Variants in TCF7L2 observed in about 807,000 individuals in gnomAD.
TCF7L2 encodes the protein transcription factor 7-like 2.
Under a neutral mutation model 77.9 loss-of-function variants are expected in TCF7L2, and 23 were observed. The observed-to-expected ratio is 0.30, with a 90% confidence interval of 0.21 to 0.42. TCF7L2 has a LOEUF of 0.42. Ranked by LOEUF, TCF7L2 falls within the 10% of genes least tolerant of loss-of-function variation. The pLI is 1.00. For synonymous variants in TCF7L2, 413 were observed against 340.2 expected (o/e 1.21, Z -2.36); for missense variants, 654 against 793.1 (o/e 0.82, Z 2.11).
intron 5 of TCF7L2, among the ~76,000 whole-genome samples, chr10:113,104,014 T>C (rs139701032): frequency 2.0e-5 from 3 of 152,168 alleles, no homozygotes; most frequent in Non-Finnish European, 4.4e-5. Flanking sequence ...TGCCCTTGCA[T>C]ATAAGTTGTT....
chr10:113,019,894 T>TA (rs2048007542), intron 4 of TCF7L2, among the ~76,000 whole-genome samples: 1 of 152,108 alleles, frequency 6.6e-6, no homozygotes, highest in South Asian at 2.1e-4. Context: ...AGTGCAGTGA[T>TA]ACGGATGGAG....
At chr10:113,157,894 G>A (rs928043043) in intron 11 of TCF7L2, 127 bp from the exon 12 acceptor site, 18 of 958,068 alleles carry the variant, frequency 1.9e-5, no homozygotes, top group South Asian at 1.4e-4. Context: ...GACAAATACC[G>A]GGGGTTTGTG....
chr10:113,085,954 T>C (rs1283373703), intron 5 of TCF7L2, among the ~76,000 whole-genome samples: 3 of 152,206 alleles, frequency 2.0e-5, no homozygotes, highest in Non-Finnish European at 2.9e-5. Context: ...GTGCTGCCAG[T>C]GGCGGTGACA....
intron 5 of TCF7L2, among the ~76,000 whole-genome samples, chr10:113,062,977 T>A (rs1444179020): frequency 6.6e-6 from 1 of 152,200 alleles, no homozygotes; most frequent in Non-Finnish European, 1.5e-5. Context: ...TTGGGGACTG[T>A]GCATCAGGTC....
intron 5 of TCF7L2, among the ~76,000 whole-genome samples, chr10:113,075,739 A>G (rs1449430908): frequency 6.6e-6 from 1 of 152,194 alleles, no homozygotes; most frequent in Non-Finnish European, 1.5e-5. Flanking sequence ...TTTAGATCCT[A>G]CCTGGTTAGT....
At chr10:112,973,640 A>G (rs756121512) in intron 4 of TCF7L2, among the ~76,000 whole-genome samples, 41 of 152,098 alleles carry the variant, frequency 2.7e-4, no homozygotes, top group South Asian at 4.2e-4. Context: ...CCCAGGCTGG[A>G]GTACAGTGGT....
At position 112,971,497 on chromosome 10, in the gene TCF7L2, C is replaced by T. The variant is rs181057499; in HGVS notation, c.450+6873C>T. Among the ~76,000 whole-genome samples, 57 of 151,780 alleles carry T rather than the reference C, an allele frequency of 3.8e-4. 2 individuals are homozygous for T. Among genetic ancestry groups the T allele is most frequent in the Middle Eastern group, 6.8e-3 (2 of 292 alleles). On this transcript the variant is annotated intron_variant, in intron 4 of 13. Coordinates refer to ENST00000627217, the MANE Select transcript of TCF7L2 (RefSeq NM_001146274.2). ...CTAATTTTTGTATTTTTAGTAAAGA[C>T]GGGGGTTTCACCATGTTGGCCAGGC...
chr10:113,076,035 C>T (rs1291598437), intron 5 of TCF7L2, among the ~76,000 whole-genome samples: 2 of 148,880 alleles, frequency 1.3e-5, no homozygotes, highest in African/African-American at 5.0e-5. Flanking sequence ...ACTGGGGAGG[C>T]TGAGGCAGGA....
At chr10:113,029,308 T>G (rs2049781904) in intron 4 of TCF7L2, among the ~76,000 whole-genome samples, 2 of 152,194 alleles carry the variant, frequency 1.3e-5, no homozygotes, top group African/African-American at 4.8e-5. Flanking sequence ...AGGTATACTG[T>G]CCTCTCTTAT....
intron 5 of TCF7L2, among the ~76,000 whole-genome samples, chr10:113,135,635 C>T (rs979578043): frequency 5.9e-5 from 9 of 152,194 alleles, no homozygotes; most frequent in Non-Finnish European, 7.3e-5. Flanking sequence ...TTTTTATCAT[C>T]TGAATCCTGC....
At chr10:112,969,691 G>T (rs961492090) in intron 4 of TCF7L2, among the ~76,000 whole-genome samples, 3 of 152,160 alleles carry the variant, frequency 2.0e-5, no homozygotes, top group Non-Finnish European at 2.9e-5. Context: ...CCCAAGCTCC[G>T]GTGCAGGCCC....
At chr10:113,070,083 C>T (rs1469037252) in intron 5 of TCF7L2, among the ~76,000 whole-genome samples, 1 of 151,600 alleles carries the variant, frequency 6.6e-6, no homozygotes, top group Admixed American at 6.6e-5. Flanking sequence ...TGGTGAAACC[C>T]CGTCTCTATT....
At chr10:113,062,845 A>C (rs2056688693) in intron 5 of TCF7L2, among the ~76,000 whole-genome samples, 1 of 152,112 alleles carries the variant, frequency 6.6e-6, no homozygotes, top group Non-Finnish European at 1.5e-5. Context: ...TTTCATTTTG[A>C]GGCCTTTACT....
At chr10:112,985,282 C>G (rs1411978215) in intron 4 of TCF7L2, among the ~76,000 whole-genome samples, 1 of 152,100 alleles carries the variant, frequency 6.6e-6, no homozygotes, top group Non-Finnish European at 1.5e-5. Flanking sequence ...TAAATTTCTT[C>G]TGCTTCTCAG....
intron 5 of TCF7L2, among the ~76,000 whole-genome samples, chr10:113,095,118 C>CA (rs1035441525): frequency 5.9e-5 from 9 of 151,982 alleles, no homozygotes; most frequent in African/African-American, 2.2e-4. Flanking sequence ...AAAATAAAAA[C>CA]AAAAAACAAA....
Position 113,151,854 on chromosome 10 carries a change from C to T in TCF7L2, c.1131C>T (p.Ser377=), listed in dbSNP as rs565119818. The change falls in exon 10 of 14, where the codon AGC becomes AGT. Residue 377 remains serine, a synonymous_variant. Transcript: ENST00000627217. This position sits in a 1 kb window ranked among gnomAD's most constrained non-coding sequence, Gnocchi z 5.2. Reference sequence around the variant, plus strand: ...TAGCTGAGTGCACGTTGAAAGAAAGCGCGGCCATCAACCAGATCCTTGGGC... The same window carrying T: ...TAGCTGAGTGCACGTTGAAAGAAAGTGCGGCCATCAACCAGATCCTTGGGC... The T allele has an allele frequency of 3.7e-6, 6 of 1,611,204 alleles. No individual in the cohort carries two copies. The Admixed American group carries it at 5.1e-5, about 14-fold the overall frequency.
chr10:113,121,575 G>T (rs1208750988), intron 5 of TCF7L2, among the ~76,000 whole-genome samples: 2 of 152,144 alleles, frequency 1.3e-5, no homozygotes, highest in Non-Finnish European at 2.9e-5. Flanking sequence ...CAACATTGGG[G>T]GGTGAATGGG....
chr10:113,095,751 A>C (rs1217800263), intron 5 of TCF7L2, among the ~76,000 whole-genome samples: 1 of 152,020 alleles, frequency 6.6e-6, no homozygotes, highest in Non-Finnish European at 1.5e-5. Context: ...AAGCCCAGGC[A>C]CTCTCTGTGG....
chr10:113,076,472 C>G (rs1188497699), intron 5 of TCF7L2, among the ~76,000 whole-genome samples: 1 of 152,006 alleles, frequency 6.6e-6, no homozygotes, highest in Non-Finnish European at 1.5e-5. Flanking sequence ...AGTGAGAGAC[C>G]CAGACCAAAA....
Sources: allele counts gnomAD v4.1 joint callset (sites outside exome capture counted in the v4.1 genomes callset), GRCh38; gene constraint gnomAD v4.1.1; non-coding constraint Gnocchi (gnomAD v3.1); transcripts MANE v1.5; gene names NCBI Gene and HGNC (gene_info 2026-07-23, HGNC 2026-07-21).